The following RBFOX1 variants were observed in gnomAD, a reference collection of about 807,000 sequenced individuals.
The protein encoded by RBFOX1 is RNA binding fox-1 homolog 1, also known as RNA binding protein fox-1 homolog 1.
In RBFOX1, 8 loss-of-function variants were observed where a neutral mutation model predicts 57.7. The ratio of observed to expected loss-of-function variants is 0.14; its 90% CI spans 0.08 to 0.25. The LOEUF (loss-of-function observed/expected upper bound fraction) is 0.25. Ranked by LOEUF, RBFOX1 falls within the 10% of genes least tolerant of loss-of-function variation. The pLI is 1.00. For missense variants in RBFOX1, 611 were observed against 548.5 expected (o/e 1.11, Z -1.14); for synonymous variants, 326 against 222.4 (o/e 1.47, Z -4.15).
intron 4 of RBFOX1, among the ~76,000 whole-genome samples, chr16:7,324,898 A>G (rs1250124283): frequency 6.6e-6 from 1 of 152,188 alleles, no homozygotes; most frequent in Non-Finnish European, 1.5e-5. Flanking sequence ...TGAACTTGAT[A>G]TCCTTTTTAC....
At chr16:7,610,488 T>G (rs2057273863) in intron 10 of RBFOX1, among the ~76,000 whole-genome samples, 1 of 152,102 alleles carries the variant, frequency 6.6e-6, no homozygotes, top group Non-Finnish European at 1.5e-5. Flanking sequence ...GGTAACATAA[T>G]CATTCTGTAT....
chr16:6,864,780 G>A (rs1192532282), intron 3 of RBFOX1, among the ~76,000 whole-genome samples: 2 of 151,804 alleles, frequency 1.3e-5, no homozygotes, highest in African/African-American at 2.4e-5. Flanking sequence ...TTCCTCTAAT[G>A]TGGGTTTAAA....
chr16:5,606,241 C>G (rs999504388), intron 3 of RBFOX1, among the ~76,000 whole-genome samples: 3 of 152,138 alleles, frequency 2.0e-5, no homozygotes, highest in Non-Finnish European at 2.9e-5. Flanking sequence ...CTACTCTCCT[C>G]CCACCCTGTC....
intron 3 of RBFOX1, among the ~76,000 whole-genome samples, chr16:5,836,200 G>C (rs888706464): frequency 5.3e-5 from 8 of 152,158 alleles, no homozygotes; most frequent in African/African-American, 1.7e-4. Context: ...CTGCAGCTGG[G>C]GGGTGAGGCT....
intron 1 of RBFOX1, among the ~76,000 whole-genome samples, chr16:6,220,844 A>G (rs11077016): frequency 0.78 from 117,802 of 151,956 alleles, 45,835 homozygotes; most frequent in East Asian, 0.99. Context: ...GCCTATGATC[A>G]TAATGAACAT....
chr16:6,207,426 G>A (rs964706138), intron 1 of RBFOX1, among the ~76,000 whole-genome samples: 3 of 152,128 alleles, frequency 2.0e-5, no homozygotes, highest in Non-Finnish European at 4.4e-5. Flanking sequence ...GAGGCAATCC[G>A]TTTGACAGAG....
intron 1 of RBFOX1, among the ~76,000 whole-genome samples, chr16:6,221,971 A>C (rs1301299503): frequency 1.1e-4 from 17 of 152,150 alleles, no homozygotes; most frequent in Admixed American, 1.1e-3. Context: ...TTTAGTCCCT[A>C]TCATAAGGGA....
At position 7,487,915 on chromosome 16, in the gene RBFOX1, C is replaced by T. The variant is rs1034509753; in HGVS notation, c.28-30232C>T. On this transcript the variant is annotated intron_variant, in intron 4 of 15. Transcript: ENST00000550418. Reference sequence around the variant, plus strand: ...GAAAAGCAAATCTATTACCAGCGTCCGATAATTTCTGCTCAGGGATTCCCA... The same window carrying T: ...GAAAAGCAAATCTATTACCAGCGTCTGATAATTTCTGCTCAGGGATTCCCA... Among the ~76,000 whole-genome samples the T allele has an allele frequency of 3.9e-5, 6 of 152,190 alleles. No individual in the cohort carries two copies. In the South Asian group the frequency reaches 8.3e-4, roughly 21 times the overall value.
At chr16:5,426,200 C>T (rs937335188) in intron 1 of RBFOX1, among the ~76,000 whole-genome samples, 1 of 152,072 alleles carries the variant, frequency 6.6e-6, no homozygotes, top group South Asian at 2.1e-4. Context: ...TTGCGGGGCA[C>T]GTTTGGACTT....
chr16:5,598,868 C>G (rs1258161375), intron 2 of RBFOX1: 1 of 1,457,642 alleles, frequency 6.9e-7, no homozygotes, highest in Admixed American at 2.5e-5. Flanking sequence ...CCGGCTTCCC[C>G]AACCTTTTTC....
chr16:7,023,564 TAA>T (rs34056673), intron 3 of RBFOX1, among the ~76,000 whole-genome samples: 1,178 of 43,796 alleles, frequency 0.027, 20 homozygotes, highest in African/African-American at 0.099. Context: ...TCGTCTGTAC[TAA>T]AAAAAAAAAA....
At chr16:7,456,087 A>T (rs974333790) in intron 4 of RBFOX1, among the ~76,000 whole-genome samples, 1 of 152,164 alleles carries the variant, frequency 6.6e-6, no homozygotes, top group Non-Finnish European at 1.5e-5. Flanking sequence ...GGAATTCTTA[A>T]TGATTTTTGA....
intron 4 of RBFOX1, among the ~76,000 whole-genome samples, chr16:5,959,275 G>T (rs1440537774): frequency 6.6e-6 from 1 of 152,174 alleles, no homozygotes; most frequent in Non-Finnish European, 1.5e-5. Context: ...AGAACCAATA[G>T]AACATGGATG....
Position 5,789,685 on chromosome 16 carries a change from G to A in RBFOX1, c.319-77618G>A, listed in dbSNP as rs144452124. 2.5e-4 allele frequency among the ~76,000 whole-genome samples: 38 copies of A among 152,108 alleles called. No homozygotes were observed. In the East Asian group the frequency reaches 3.9e-3, roughly 15 times the overall value. Reference sequence around the variant, plus strand: ...ATGCATTATTTATACAGTTAGTATCGCACTTCTCTTGATAAGAAGATAGAA... The same window carrying A: ...ATGCATTATTTATACAGTTAGTATCACACTTCTCTTGATAAGAAGATAGAA... On this transcript the variant is annotated intron_variant, in intron 3 of 19. Transcript: ENST00000641259.
At chr16:6,542,828 G>C (rs2096842402) in intron 2 of RBFOX1, among the ~76,000 whole-genome samples, 1 of 151,914 alleles carries the variant, frequency 6.6e-6, no homozygotes, top group South Asian at 2.1e-4. Flanking sequence ...CTGCCTTCCT[G>C]GGTGCCACAG....
At chr16:6,656,498 C>G (rs183389644) in intron 3 of RBFOX1, among the ~76,000 whole-genome samples, 1 of 151,938 alleles carries the variant, frequency 6.6e-6, no homozygotes, top group Non-Finnish European at 1.5e-5. Flanking sequence ...GGCAACTGCC[C>G]TGGTTTCTGG....
intron 2 of RBFOX1, among the ~76,000 whole-genome samples, chr16:6,373,803 A>G (rs1003678789): frequency 3.3e-5 from 5 of 152,144 alleles, no homozygotes; most frequent in African/African-American, 1.2e-4. Flanking sequence ...TGTGGTCTGC[A>G]TGTCTTATTT....
intron 1 of RBFOX1, among the ~76,000 whole-genome samples, chr16:6,091,992 C>T (rs2096181909): frequency 6.6e-6 from 1 of 152,222 alleles, no homozygotes; most frequent in African/African-American, 2.4e-5. Flanking sequence ...TTCATCCACT[C>T]ATTCCTCCAT....
intron 1 of RBFOX1, among the ~76,000 whole-genome samples, chr16:5,455,102 C>G (rs1202060639): frequency 2.0e-5 from 3 of 149,740 alleles, no homozygotes; most frequent in Non-Finnish European, 3.0e-5. Flanking sequence ...CCTGTTGGTT[C>G]TTTCTCTCTA....
Sources: gnomAD v4.1 joint callset for allele counts (sites outside exome capture counted in the v4.1 genomes callset) on GRCh38, gnomAD v4.1.1 for gene constraint, MANE v1.5 for transcripts, NCBI Gene and HGNC (gene_info 2026-07-23, HGNC 2026-07-21) for gene names.